Variants in CNTN6 observed in about 807,000 individuals in gnomAD.
The protein encoded by CNTN6 is contactin-6.
CNTN6 carries 137 observed loss-of-function variants against 122.8 expected under a neutral mutation model. The ratio of observed to expected loss-of-function variants is 1.12; its 90% CI spans 0.97 to 1.29. The LOEUF (loss-of-function observed/expected upper bound fraction) is 1.29. CNTN6 is among the 50% of genes most tolerant of loss of function. The pLI is 0.00. For synonymous variants in CNTN6, 570 were observed against 426.0 expected (o/e 1.34, Z -4.16); for missense variants, 1,634 against 1,223.4 (o/e 1.34, Z -5.01).
At chr3:1,370,708 C>T (rs1327966882) in intron 12 of CNTN6, among the ~76,000 whole-genome samples, 1 of 151,904 alleles carries the variant, frequency 6.6e-6, no homozygotes, top group Non-Finnish European at 1.5e-5. Flanking sequence ...ATTTACCTGG[C>T]ATGGTGGTGC....
chr3:1,197,043 A>G (rs1273159418), intron 2 of CNTN6, among the ~76,000 whole-genome samples: 2 of 152,056 alleles, frequency 1.3e-5, no homozygotes, highest in Admixed American at 6.5e-5. Flanking sequence ...CTTCTCTAAA[A>G]CTCTTGAGAT....
rs554750157 is a variant in CNTN6 at position 1,389,446 on chromosome 3, C to T, written c.2704+3649C>T. On this transcript the variant is annotated intron_variant, in intron 20 of 22. Coordinates refer to ENST00000446702, the MANE Select transcript of CNTN6 (RefSeq NM_001289080.2). ...ATGGAAAGGAACAACCGGTACCAGC[C>T]GCTGCAAAATCATGCCAAAATGTAA... Among the ~76,000 whole-genome samples the T allele has an allele frequency of 1.0e-3, 155 of 152,014 alleles. 1 individual carries two copies. The highest frequency in any genetic ancestry group is 3.3e-3 in the South Asian group (16 of 4,796).
intron 1 of CNTN6, among the ~76,000 whole-genome samples, chr3:1,134,726 T>TA (rs1187066253): frequency 1.3e-5 from 2 of 152,116 alleles, no homozygotes; most frequent in South Asian, 2.1e-4. Flanking sequence ...CCGGGTAGTT[T>TA]AAAAAATCAA....
rs534773815 is a variant in CNTN6, at chr3:1,102,596, GC to G, written c.-83+9477del. ...ATACAAAAATGAGCCGGGCGTGGTG[GC>G]GGCGCCTGTAGTCCCAGCTACTCGG... On this transcript the variant is annotated intron_variant, in intron 1 of 22. Coordinates refer to ENST00000446702, the MANE Select transcript of CNTN6 (RefSeq NM_001289080.2). Among the ~76,000 whole-genome samples, 346 of 146,526 alleles carry G rather than the reference GC, an allele frequency of 2.4e-3. 16 individuals carry two copies. Among genetic ancestry groups the G allele is most frequent in the South Asian group, 0.016 (74 of 4,674 alleles).
intron 4 of CNTN6, among the ~76,000 whole-genome samples, chr3:1,275,668 T>G (rs1244465963): frequency 6.6e-6 from 1 of 152,130 alleles, no homozygotes; most frequent in Non-Finnish European, 1.5e-5. Flanking sequence ...TGGTGCCATT[T>G]GGGGGTGATG....
intron 5 of CNTN6, among the ~76,000 whole-genome samples, chr3:1,290,265 G>C (rs1156739953): frequency 6.6e-6 from 1 of 152,212 alleles, no homozygotes; most frequent in East Asian, 1.9e-4. Context: ...GTACTTTACA[G>C]TAATTTCACA....
At chr3:1,159,830 C>G (rs1186800273) in intron 2 of CNTN6, among the ~76,000 whole-genome samples, 1 of 146,790 alleles carries the variant, frequency 6.8e-6, no homozygotes, top group East Asian at 1.9e-4. Flanking sequence ...TTTTCTTTTT[C>G]CCCCCCTCAA....
intron 2 of CNTN6, among the ~76,000 whole-genome samples, chr3:1,173,958 T>A (rs1444297864): frequency 6.6e-6 from 1 of 151,992 alleles, no homozygotes; most frequent in Admixed American, 6.5e-5. Context: ...ACACTGTGAT[T>A]TTCTGATGCA....
At chr3:1,276,439 A>G (rs559679542) in intron 4 of CNTN6, among the ~76,000 whole-genome samples, 106 of 152,340 alleles carry the variant, frequency 7.0e-4, no homozygotes, top group African/African-American at 2.5e-3. Flanking sequence ...CTGTATTATT[A>G]GATTATTTCC....
chr3:1,130,790 G>C (rs1010226), intron 1 of CNTN6, among the ~76,000 whole-genome samples: 20,128 of 152,078 alleles, frequency 0.13, 1,501 homozygotes, highest in African/African-American at 0.19. Flanking sequence ...ATGCAGACAA[G>C]AAAGCTTCTG....
intron 7 of CNTN6, among the ~76,000 whole-genome samples, chr3:1,300,449 CAGGAAGGAAGGAAGGAAGGAAGGA>C (rs72054486): frequency 8.7e-5 from 10 of 114,494 alleles, no homozygotes; most frequent in Middle Eastern, 4.2e-3. Context: ...AGGGTCAGTT[CAGGAAGGAAGGAAGGAAGGAAGGA>C]AGGAAGGAAG....
chr3:1,140,141 T>C (rs1308396517), intron 1 of CNTN6, among the ~76,000 whole-genome samples: 1 of 152,244 alleles, frequency 6.6e-6, no homozygotes, highest in Non-Finnish European at 1.5e-5. Context: ...TAAGTATTTC[T>C]TGTCACCTTT....
intron 4 of CNTN6, among the ~76,000 whole-genome samples, chr3:1,245,236 ACACACAC>A (rs1309473129): frequency 1.1e-3 from 10 of 8,952 alleles, no homozygotes; most frequent in South Asian, 4.0e-3. Flanking sequence ...ATATATATAT[ACACACAC>A]ACATATATAT....
At chr3:1,384,244 A>G (rs1291627631) in intron 19 of CNTN6, among the ~76,000 whole-genome samples, 2 of 152,170 alleles carry the variant, frequency 1.3e-5, no homozygotes, top group Admixed American at 6.5e-5. Context: ...TCATTTTTCA[A>G]AAGTGATCAG....
intron 2 of CNTN6, among the ~76,000 whole-genome samples, chr3:1,158,401 T>C (rs1162698162): frequency 6.6e-6 from 1 of 152,150 alleles, no homozygotes; most frequent in Non-Finnish European, 1.5e-5. Context: ...CCCTATGGAG[T>C]TGTTTGAGCT....
At position 1,327,573 on chromosome 3, in the gene CNTN6, A is replaced by G; in HGVS notation, c.1200A>G (p.Glu400=). Residue 400 remains glutamate (E), a synonymous_variant, in exon 10 of 23, where the codon GAA becomes GAG. Coordinates refer to ENST00000446702, the MANE Select transcript of CNTN6 (RefSeq NM_001289080.2). The stretch of plus-strand genomic sequence containing the variant: ...ATCAGATAATTTATGCAAATGCTGA[A>G]TTGAGAGTTTTAGGTAAGTCGTTTA... ...NKYQIIYANA[E]LRVLASAPDF... is the part of the protein sequence containing the mutation. 6.2e-7 allele frequency: 1 copy of G among 1,610,094 alleles called. No homozygotes were observed. The highest frequency in any genetic ancestry group is 8.5e-7 in the Non-Finnish European group (1 of 1,177,728).
At chr3:1,140,395 T>C in intron 1 of CNTN6, among the ~76,000 whole-genome samples, 1 of 152,158 alleles carries the variant, frequency 6.6e-6, no homozygotes, top group East Asian at 1.9e-4. Context: ...TGCCTTCAAG[T>C]CCCAGGTCTC....
intron 19 of CNTN6, among the ~76,000 whole-genome samples, chr3:1,384,685 TATACAC>T (rs1056829924): frequency 2.6e-4 from 20 of 76,666 alleles, no homozygotes; most frequent in East Asian, 1.1e-3. Flanking sequence ...TATATATATA[TATACAC>T]ACACACACAC....
chr3:1,185,790 T>C (rs1158301749), intron 2 of CNTN6, among the ~76,000 whole-genome samples: 1 of 152,178 alleles, frequency 6.6e-6, no homozygotes, highest in Non-Finnish European at 1.5e-5. Flanking sequence ...TTCCCCTTTG[T>C]AACATTGAGT....
Sources: gnomAD v4.1 joint callset for allele counts (sites outside exome capture counted in the v4.1 genomes callset) on GRCh38, gnomAD v4.1.1 for gene constraint, MANE v1.5 for transcripts, NCBI Gene and HGNC (gene_info 2026-07-23, HGNC 2026-07-21) for gene names.